The following ADAMTS7 variants were observed in gnomAD, a reference collection of about 807,000 sequenced individuals.
ADAMTS7 encodes the protein A disintegrin and metalloproteinase with thrombospondin motifs 7.
A neutral mutation model predicts 172.6 loss-of-function variants in ADAMTS7; 89 were observed. That is an observed-to-expected ratio of 0.52 (90% CI 0.43 to 0.61). The LOEUF is 0.61. Ranked by LOEUF, ADAMTS7 falls within the 20% of genes least tolerant of loss-of-function variation. The pLI, the probability that ADAMTS7 is intolerant of heterozygous loss-of-function variation, is 0.00. For missense variants in ADAMTS7, 1,973 were observed against 2,355.6 expected (o/e 0.84, Z 3.36); for synonymous variants, 885 against 978.4 (o/e 0.90, Z 1.78).
intron 22 of ADAMTS7, among the ~76,000 whole-genome samples, chr15:78,763,426 C>T (rs993402792): frequency 4.6e-5 from 7 of 152,252 alleles, no homozygotes; most frequent in Admixed American, 2.0e-4. Flanking sequence ...GATGTCCCTT[C>T]GATCCCTGTC....
intron 1 of ADAMTS7, among the ~76,000 whole-genome samples, chr15:78,802,057 G>A (rs1372182507): frequency 1.4e-4 from 21 of 149,478 alleles, no homozygotes; most frequent in East Asian, 2.0e-4. Flanking sequence ...GGCTGGTCTC[G>A]AACTCCAGGT....
intron 1 of ADAMTS7, among the ~76,000 whole-genome samples, chr15:78,809,062 T>C (rs1381186101): frequency 1.3e-5 from 2 of 151,824 alleles, no homozygotes; most frequent in Non-Finnish European, 2.9e-5. Flanking sequence ...GGGTGGGGGG[T>C]AGTATGTGAA....
At chr15:78,788,415 G>A in intron 7 of ADAMTS7, 41 bp from the exon 8 acceptor site, 4 of 1,603,854 alleles carry the variant, frequency 2.5e-6, no homozygotes, top group South Asian at 1.1e-5. Flanking sequence ...TGAGCCGGCG[G>A]GAGGCTGCCA....
At chr15:78,782,865 T>C (rs61613830) in intron 8 of ADAMTS7, among the ~76,000 whole-genome samples, 21,336 of 120,094 alleles carry the variant, frequency 0.18, 436 homozygotes, top group Admixed American at 0.26. Flanking sequence ...AGCCAAGTGA[T>C]GGCCACCTGC....
intron 10 of ADAMTS7, 156 bp downstream of exon 10, chr15:78,776,593 C>T (rs539165806): frequency 1.9e-4 from 171 of 888,252 alleles, no homozygotes; most frequent in South Asian, 9.6e-4. Flanking sequence ...GGCCCCAATG[C>T]CTCCACTTTG....
chr15:78,766,995 G>A lies in ADAMTS7; in HGVS notation c.2916C>T (p.Asp972=), dbSNP rs1172552178. 1 of 1,603,118 alleles carries A rather than the reference G, an allele frequency of 6.2e-7. No individual in the cohort carries two copies. Among genetic ancestry groups the A allele is most frequent in the South Asian group, 1.1e-5 (1 of 89,030 alleles). The change falls in exon 19 of 24, where the codon GAC becomes GAT. Residue 972 remains aspartate (D), a synonymous_variant. Transcript: ENST00000388820. ...TQRRNVLCTN[D]TGVPCDEAQQ... ...GGGCCTCGTCACAGGGGACACCGGT[G>A]TCATTGGTGCAGAGGACATTTCGGC...
At position 78,766,846 on chromosome 15, in the gene ADAMTS7, A is replaced by C; in HGVS notation, c.3065T>G (p.Ile1022Ser). ...AGGGCGTGGGGCCAGGTGGTGCGGGATGAAGTCAGCCTCGTTGAAGAGCTC... is the reference window on the plus strand; with the variant it reads ...AGGGCGTGGGGCCAGGTGGTGCGGGCTGAAGTCAGCCTCGTTGAAGAGCTC... ...SHELFNEADF[I>S]PHHLAPRPSP... The change falls in exon 19 of 24, where the codon ATC becomes AGC. Residue 1022 changes from isoleucine (I) to serine (S), a missense_variant. Ile to Ser is a moderately radical substitution (Grantham distance 142). This residue lies in a region of ADAMTS7 where 771 missense variants were observed against 952.6 expected (regional missense o/e 0.81). Coordinates refer to ENST00000388820, the MANE Select transcript of ADAMTS7 (RefSeq NM_014272.5). The C allele has an allele frequency of 6.2e-7, 1 of 1,610,060 alleles. No homozygotes were observed. Among genetic ancestry groups the C allele is most frequent in the South Asian group, 1.1e-5 (1 of 90,928 alleles).
At chr15:78,769,943 C>A (rs2055219149) in intron 16 of ADAMTS7, among the ~76,000 whole-genome samples, 2 of 152,244 alleles carry the variant, frequency 1.3e-5, no homozygotes, top group Non-Finnish European at 2.9e-5. Context: ...GGGCAAATCA[C>A]CTGAGGTCAG....
chr15:78,765,994 C>T lies in ADAMTS7; in HGVS notation c.3917G>A (p.Arg1306Lys), dbSNP rs200516293. The T allele has an allele frequency of 8.1e-6, 13 of 1,600,274 alleles. No individual in the cohort carries two copies. Among genetic ancestry groups the T allele is most frequent in the Admixed American group, 5.3e-5 (3 of 56,670 alleles). ...AGTCCCCGGCTCCAGGGAACTGTCC[C>T]TGACCTTCATCTCTGGCAGAGGGGC... Reference protein sequence around the residue: ...PIAPLPEMKVRDSSLEPGTPS... With the variant: ...PIAPLPEMKVKDSSLEPGTPS... The change falls in exon 19 of 24, where the codon AGG becomes AAG. Residue 1306 changes from arginine (R) to lysine (K), a missense_variant. Physicochemically the swap from Arg to Lys is conservative, Grantham distance 26. This residue lies in a region of ADAMTS7 where 771 missense variants were observed against 952.6 expected (regional missense o/e 0.81). Transcript: ENST00000388820.
At position 78,767,320 on chromosome 15, in the gene ADAMTS7, C is replaced by T. The variant is rs916851087; in HGVS notation, c.2859+59G>A. The T allele has an allele frequency of 2.5e-6, 4 of 1,587,544 alleles. No individual in the cohort carries two copies. In the African/African-American group the frequency reaches 5.4e-5, roughly 21 times the overall value. Reference sequence around the variant, plus strand: ...GGTCTCCAGGAAGGCTGTCTGCCTCCCTGTAGCTGAAGACCAAGGGTGGAG... The same window carrying T: ...GGTCTCCAGGAAGGCTGTCTGCCTCTCTGTAGCTGAAGACCAAGGGTGGAG... On this transcript the variant is annotated intron_variant, in intron 18 of 23. Transcript: ENST00000388820.
chr15:78,776,366 C>A, intron 10 of ADAMTS7, 33 bp from the exon 11 acceptor site: 4 of 1,597,890 alleles, frequency 2.5e-6, no homozygotes, highest in Non-Finnish European at 3.4e-6. Context: ...AGCCACCCCA[C>A]CCCCAAGTCT....
chr15:78,766,426 G>T lies in ADAMTS7; in HGVS notation c.3485C>A (p.Thr1162Asn), dbSNP rs1238219020. Reference sequence around the variant, plus strand: ...CCCAAGATCTGGGGCCCCTATGGGGGTGTCTTCCTCAGGCAGGAAATTGAT... The same window carrying T: ...CCCAAGATCTGGGGCCCCTATGGGGTTGTCTTCCTCAGGCAGGAAATTGAT... The part of the protein sequence containing the change: ...PLINFLPEED[T>N]PIGAPDLGLP... Residue 1162 changes from threonine to asparagine, a missense_variant, in exon 19 of 24, where the codon ACC (threonine) becomes AAC (asparagine). This residue lies in a region of ADAMTS7 where 771 missense variants were observed against 952.6 expected (regional missense o/e 0.81). Transcript: ENST00000388820. 1 of 1,589,380 alleles carries T rather than the reference G, an allele frequency of 6.3e-7. No individual in the cohort carries two copies. The highest frequency in any genetic ancestry group is 2.2e-5 in the East Asian group (1 of 44,580).
intron 23 of ADAMTS7, among the ~76,000 whole-genome samples, chr15:78,760,452 G>A (rs893397140): frequency 6.6e-6 from 1 of 152,084 alleles, no homozygotes; most frequent in Non-Finnish European, 1.5e-5. Context: ...CCCCAGGCCC[G>A]GCAGAGGGCA....
chr15:78,796,615 C>T lies in ADAMTS7; in HGVS notation c.794G>A (p.Ser265Asn), dbSNP rs756015081. The part of the protein sequence containing the change: ...VEYHGQPQVE[S>N]YVLTIMNMVA... ...CATGTTCATGATGGTCAGCACATAG[C>T]TCTCAACCTGCGGCTGTCCGTGGTA... Residue 265 changes from serine to asparagine, a missense_variant, in exon 4 of 24, where the codon AGC becomes AAC. Physicochemically the swap from Ser to Asn is conservative, Grantham distance 46. Transcript: ENST00000388820. 1.9e-6 allele frequency: 3 copies of T among 1,613,896 alleles called. No individual in the cohort carries two copies. Among genetic ancestry groups the T allele is most frequent in the South Asian group, 1.1e-5 (1 of 91,004 alleles).
At chr15:78,768,285 G>A (rs1235577186) in intron 16 of ADAMTS7, 26 bp from the exon 17 acceptor site, 10 of 1,609,770 alleles carry the variant, frequency 6.2e-6, no homozygotes, top group South Asian at 1.1e-5. Flanking sequence ...CTCAGCCTGG[G>A]ACTGGCACCC....
Position 78,788,240 on chromosome 15 carries a change from C to A in ADAMTS7, c.1313G>T (p.Arg438Met), listed in dbSNP as rs1161962471. The change falls in exon 8 of 24, where the codon AGG (arginine) becomes ATG (methionine). Residue 438 changes from arginine to methionine, a missense_variant. By Grantham distance (91) the Arg-to-Met change is moderately conservative (BLOSUM62 -1). Transcript: ENST00000388820. ...WSRCSRQYITRFLDRGWGLCL... is the reference protein window; with the variant it reads ...WSRCSRQYITMFLDRGWGLCL... ...GGGCTGGGGGACTTACTCAAGGAACCTGGTGATATACTGGCGGCTGCAGCG... is the reference window on the plus strand; with the variant it reads ...GGGCTGGGGGACTTACTCAAGGAACATGGTGATATACTGGCGGCTGCAGCG... 6.2e-7 allele frequency: 1 copy of A among 1,613,636 alleles called. No homozygotes were observed. Among genetic ancestry groups the A allele is most frequent in the Non-Finnish European group, 8.5e-7 (1 of 1,179,968 alleles).
chr15:78,767,774 G>C (rs554501775), intron 17 of ADAMTS7, among the ~76,000 whole-genome samples, 182 bp from the exon 18 acceptor site: 2 of 152,108 alleles, frequency 1.3e-5, no homozygotes, highest in South Asian at 4.1e-4. Context: ...AAAGCCTGGT[G>C]ACATGGCACA....
chr15:78,760,663 G>T (rs926264205), intron 23 of ADAMTS7, among the ~76,000 whole-genome samples: 1 of 152,142 alleles, frequency 6.6e-6, no homozygotes, highest in African/African-American at 2.4e-5. Context: ...ACACACACAC[G>T]AGTTTCCCAG....
At chr15:78,780,196 C>A (rs2055410052) in intron 8 of ADAMTS7, among the ~76,000 whole-genome samples, 1 of 148,572 alleles carries the variant, frequency 6.7e-6, no homozygotes, top group South Asian at 2.2e-4. Context: ...TGCCGACACA[C>A]CCGGATCCCC....
Sources: gnomAD v4.1 joint callset for allele counts (sites outside exome capture counted in the v4.1 genomes callset) on GRCh38, gnomAD v4.1.1 for gene constraint, gnomAD v4.1.1 regional missense constraint, MANE v1.5 for transcripts, NCBI Gene and HGNC (gene_info 2026-07-23, HGNC 2026-07-21) for gene names.